Variants in KCND2 observed in about 807,000 individuals in gnomAD.
KCND2 encodes the protein potassium voltage-gated channel subfamily D member 2.
A neutral mutation model predicts 54.4 loss-of-function variants in KCND2; 16 were observed. The observed-to-expected ratio is 0.29, with a 90% CI of 0.20 to 0.45. The LOEUF is 0.45. KCND2 is among the 20% of genes least tolerant of loss of function. The probability of loss-of-function intolerance (pLI) is 1.00; values close to 1 mark genes in which losing one functional copy is unlikely to be tolerated. For synonymous variants in KCND2, 317 were observed against 310.7 expected, an observed-to-expected ratio of 1.02 and a Z score of -0.21; for missense variants, 486 against 824.2, an observed-to-expected ratio of 0.59 and a Z score of 5.02.
At chr7:120,341,158 T>G (rs2116365820) in intron 1 of KCND2, among the ~76,000 whole-genome samples, 1 of 152,228 alleles carries the variant, frequency 6.6e-6, no homozygotes, top group East Asian at 1.9e-4. Context: ...TTACTTCAAT[T>G]TTATCAGTGG....
chr7:120,595,589 G>A (rs866894218), intron 1 of KCND2, among the ~76,000 whole-genome samples: 3 of 40,436 alleles, frequency 7.4e-5, no homozygotes, highest in Non-Finnish European at 1.4e-4. Context: ...ATGTGTGTGT[G>A]TGTATATATA....
chr7:120,497,719 A>T (rs544876620), intron 1 of KCND2, among the ~76,000 whole-genome samples: 4 of 152,340 alleles, frequency 2.6e-5, no homozygotes, highest in African/African-American at 7.2e-5. Flanking sequence ...CAGAGGTCGG[A>T]GCACTAGTAT....
chr7:120,476,731 ACT>A (rs1018115964), intron 1 of KCND2, among the ~76,000 whole-genome samples: 1 of 152,070 alleles, frequency 6.6e-6, no homozygotes, highest in Non-Finnish European at 1.5e-5. Flanking sequence ...TATCCATTAT[ACT>A]CTCTCTCTTT....
chr7:120,669,316 A>G (rs117118687), intron 1 of KCND2, among the ~76,000 whole-genome samples: 2,224 of 152,148 alleles, frequency 0.015, 45 homozygotes, highest in Non-Finnish European at 0.022. Flanking sequence ...TTATCATGCA[A>G]ACAGGAATAT....
In KCND2 at chr7:120,333,448, A is replaced by G. The variant is rs181951585; in HGVS notation, c.1115+57701A>G. 3.3e-3 allele frequency among the ~76,000 whole-genome samples: 504 copies of G among 152,230 alleles called. 4 individuals carry two copies. Among genetic ancestry groups the G allele is most frequent in the Middle Eastern group, 0.01 (3 of 294 alleles). On this transcript the variant is annotated intron_variant, in intron 1 of 5. Transcript: ENST00000331113. ...TCAATTACCAGAAGAAATAGAAAAT[A>G]TAACATGGACAGATTCTAAGAAATT...
chr7:120,530,818 C>T (rs1275073732), intron 1 of KCND2, among the ~76,000 whole-genome samples: 1 of 152,096 alleles, frequency 6.6e-6, no homozygotes, highest in Non-Finnish European at 1.5e-5. Flanking sequence ...AATTCGTTGA[C>T]ACTACCGTAT....
At chr7:120,473,631 G>C (rs1802491983) in intron 1 of KCND2, among the ~76,000 whole-genome samples, 3 of 152,108 alleles carry the variant, frequency 2.0e-5, no homozygotes, top group African/African-American at 4.8e-5. Flanking sequence ...TGTGTGTCAA[G>C]TCTATAATTA....
chr7:120,330,686 A>G (rs1023786681), intron 1 of KCND2, among the ~76,000 whole-genome samples: 52 of 151,796 alleles, frequency 3.4e-4, no homozygotes, highest in African/African-American at 1.2e-3. Flanking sequence ...AAAAAGCACC[A>G]GAAGCTGTGG....
In KCND2 at chr7:120,423,261, G is replaced by A. The variant is rs1307704330; in HGVS notation, c.1115+147514G>A. On this transcript the variant is annotated intron_variant, in intron 1 of 5. Transcript: ENST00000331113. The stretch of plus-strand genomic sequence containing the variant: ...CCTTCCTGTATTATGAAATTTCCCT[G>A]ATTAGTCTCGTTGCCTTCTCCAAAT... Among the ~76,000 whole-genome samples, 4 of 152,144 alleles carry A rather than the reference G, an allele frequency of 2.6e-5. No homozygotes were observed. The East Asian group carries it at 7.7e-4, about 29-fold the overall frequency.
intron 1 of KCND2, among the ~76,000 whole-genome samples, chr7:120,636,344 CA>C (rs1243879608): frequency 6.6e-6 from 1 of 151,974 alleles, no homozygotes; most frequent in Non-Finnish European, 1.5e-5. Context: ...GAGCTAGTTG[CA>C]AAATTCCCAT....
chr7:120,307,412 T>A (rs1799665006), intron 1 of KCND2, among the ~76,000 whole-genome samples: 1 of 152,082 alleles, frequency 6.6e-6, no homozygotes, highest in Non-Finnish European at 1.5e-5. Flanking sequence ...TACCTGTGAC[T>A]AGCTTACAGG....
chr7:120,687,223 C>T (rs766937284), intron 1 of KCND2, among the ~76,000 whole-genome samples: 3 of 152,152 alleles, frequency 2.0e-5, no homozygotes, highest in Non-Finnish European at 4.4e-5. Flanking sequence ...GTGCTACCCT[C>T]TGCTTCTATA....
chr7:120,383,251 G>C (rs947518832), intron 1 of KCND2, among the ~76,000 whole-genome samples: 2 of 151,786 alleles, frequency 1.3e-5, no homozygotes, highest in Non-Finnish European at 2.9e-5. Flanking sequence ...CAGATTTTCT[G>C]TCTGTCTTAT....
chr7:120,693,914 G>A (rs1390888548), intron 1 of KCND2, among the ~76,000 whole-genome samples: 9 of 152,260 alleles, frequency 5.9e-5, no homozygotes, highest in East Asian at 3.9e-4. Flanking sequence ...GGATGCGTGC[G>A]GTGGTTCATG....
chr7:120,470,169 T>C (rs1802433499), intron 1 of KCND2, among the ~76,000 whole-genome samples: 1 of 152,182 alleles, frequency 6.6e-6, no homozygotes, highest in Non-Finnish European at 1.5e-5. Context: ...GTGTCTCATG[T>C]TCCAAGACAC....
intron 1 of KCND2, among the ~76,000 whole-genome samples, chr7:120,435,861 A>G (rs1313667431): frequency 6.6e-6 from 1 of 152,106 alleles, no homozygotes; most frequent in Non-Finnish European, 1.5e-5. Context: ...CAGTTCCCCT[A>G]GTAGAGCTTA....
rs551966802 is a variant in KCND2 at position 120,750,299 on chromosome 7, T to C, written c.*2441T>C. On this transcript the variant is annotated 3_prime_UTR_variant, in exon 6 of 6. Coordinates refer to ENST00000331113, the MANE Select transcript of KCND2 (RefSeq NM_012281.3). Reference sequence around the variant, plus strand: ...TGGAAAAAAATAGACCTTTGGAGAATACTTAAATAAAACATGTGCATGCTT... The same window carrying C: ...TGGAAAAAAATAGACCTTTGGAGAACACTTAAATAAAACATGTGCATGCTT... 69 of 152,532 alleles carry C rather than the reference T, an allele frequency of 4.5e-4. No homozygotes were observed. The highest frequency in any genetic ancestry group is 1.4e-3 in the African/African-American group (58 of 41,552). 9.4% of individuals were successfully genotyped at this position (152,532 alleles called of 1,614,324 possible). A position where few individuals can be genotyped will look rare whatever the true frequency, so the allele number is the denominator to read the frequency against.
At chr7:120,586,042 C>T (rs1253604513) in intron 1 of KCND2, among the ~76,000 whole-genome samples, 1 of 152,100 alleles carries the variant, frequency 6.6e-6, no homozygotes, top group East Asian at 1.9e-4. Flanking sequence ...AGAAAAAATG[C>T]TACGGACTAC....
In KCND2 at chr7:120,277,166, G is replaced by T. The variant is rs561067769; in HGVS notation, c.1115+1419G>T. On this transcript the variant is annotated intron_variant, in intron 1 of 5. Coordinates refer to ENST00000331113, the MANE Select transcript of KCND2 (RefSeq NM_012281.3). ...AAATTGGGGTAAAGAAAAATACAAT[G>T]ATTTATGATTTTTATTTAGTCTCAT... 2.0e-5 allele frequency among the ~76,000 whole-genome samples: 3 copies of T among 152,158 alleles called. No homozygotes were observed. In the East Asian group the frequency reaches 5.8e-4, roughly 29 times the overall value.
Sources: gnomAD v4.1 joint callset for allele counts (sites outside exome capture counted in the v4.1 genomes callset) on GRCh38, gnomAD v4.1.1 for gene constraint, MANE v1.5 for transcripts, NCBI Gene and HGNC (gene_info 2026-07-23, HGNC 2026-07-21) for gene names.